KANK1: variants seen among roughly 807,000 people sequenced by gnomAD.
The protein encoded by KANK1 is KN motif and ankyrin repeat domain-containing protein 1.
Under a neutral mutation model 106.2 loss-of-function variants are expected in KANK1, and 109 were observed. The ratio of observed to expected loss-of-function variants is 1.03; its 90% CI spans 0.88 to 1.20. KANK1 has a LOEUF of 1.20. Among genes scored for constraint, KANK1 ranks in the 50% most tolerant of loss-of-function variants. KANK1 has a pLI of 0.00. For missense variants in KANK1, 2,399 were observed against 1,710.7 expected, an observed-to-expected ratio of 1.40 and a Z score of -7.10; for synonymous variants, 873 against 652.2, an observed-to-expected ratio of 1.34 and a Z score of -5.16.
rs932743550 is a variant in KANK1, at chr9:686,936, G to T, written c.37+9927G>T. ...CTTCTAGAAAGGTAAAGGGGGCTTA[G>T]GGCTGGGGGCTTTTCCTCTGGGCTC... is the stretch of plus-strand genomic sequence containing the variant. On this transcript the variant is annotated intron_variant, in intron 2 of 11. Transcript: ENST00000382297. 3 of 985,050 alleles carry T rather than the reference G, an allele frequency of 3.0e-6. No homozygotes were observed. In the African/African-American group the frequency reaches 5.3e-5, roughly 17 times the overall value. The allele number at this position is 985,050 out of a possible 1,614,324, so 61.0% of individuals were successfully genotyped here.
chr9:686,881 T>C (rs1818706542), intron 2 of KANK1: 3 of 985,220 alleles, frequency 3.0e-6, no homozygotes, highest in Non-Finnish European at 3.6e-6. Context: ...AGGACACTGA[T>C]TGTAAATGAA....
At chr9:694,002 G>A (rs868746540) in intron 2 of KANK1, among the ~76,000 whole-genome samples, 1 of 152,134 alleles carries the variant, frequency 6.6e-6, no homozygotes, top group Non-Finnish European at 1.5e-5. Context: ...GGAGTGAATG[G>A]TTGTACATAT....
Position 658,108 on chromosome 9 carries a change from G to A in KANK1, c.-83-18782G>A, listed in dbSNP as rs536534249. 2.2e-3 allele frequency among the ~76,000 whole-genome samples: 328 copies of A among 152,192 alleles called. 3 individuals are homozygous for A. The highest frequency in any genetic ancestry group is 7.6e-3 in the African/African-American group (316 of 41,504). On this transcript the variant is annotated intron_variant, in intron 1 of 11. Coordinates refer to ENST00000382297, the MANE Select transcript of KANK1 (RefSeq NM_015158.5). ...TGGAAGGGTTGGTTATATCTTCAATGTGAAATCCTCTATGTGAAATCTAAA... is the reference window on the plus strand; with the variant it reads ...TGGAAGGGTTGGTTATATCTTCAATATGAAATCCTCTATGTGAAATCTAAA...
rs75149304 is a variant in KANK1, at chr9:651,223, A to C, written c.-83-25667A>C. On this transcript the variant is annotated intron_variant, in intron 1 of 11. Transcript: ENST00000382297. Reference sequence around the variant, plus strand: ...AGGAATGGGGTTTTATTTCTGTAAGAGCACCTCCAAAACAAGTGGTGTGTT... The same window carrying C: ...AGGAATGGGGTTTTATTTCTGTAAGCGCACCTCCAAAACAAGTGGTGTGTT... Among the ~76,000 whole-genome samples the C allele has an allele frequency of 5.3e-3, 800 of 152,300 alleles. 6 individuals carry two copies. The highest frequency in any genetic ancestry group is 0.018 in the African/African-American group (754 of 41,550).
chr9:652,165 TA>T (rs1256605616), intron 1 of KANK1, among the ~76,000 whole-genome samples: 4 of 152,178 alleles, frequency 2.6e-5, no homozygotes, highest in Non-Finnish European at 5.9e-5. Flanking sequence ...TTATTGCAAA[TA>T]TGTGTTTGGA....
At chr9:638,783 A>G (rs529922320) in intron 1 of KANK1, among the ~76,000 whole-genome samples, 3 of 152,244 alleles carry the variant, frequency 2.0e-5, no homozygotes, top group African/African-American at 7.2e-5. Context: ...CCATCAGCGT[A>G]TGGAAATTTT....
intron 1 of KANK1, among the ~76,000 whole-genome samples, chr9:531,577 G>C (rs550700224): frequency 7.5e-4 from 114 of 152,344 alleles, no homozygotes; most frequent in African/African-American, 2.7e-3. Flanking sequence ...AAAGAGATTT[G>C]ATTGTGGGGA....
At chr9:565,979 A>T (rs1563778889) in intron 1 of KANK1, among the ~76,000 whole-genome samples, 1 of 152,162 alleles carries the variant, frequency 6.6e-6, no homozygotes, top group Non-Finnish European at 1.5e-5. Flanking sequence ...TAAGTTAATA[A>T]TACATAGTTA....
At chr9:707,183 G>A in intron 2 of KANK1, 1 of 985,848 alleles carries the variant, frequency 1.0e-6, no homozygotes, top group Non-Finnish European at 1.2e-6. Context: ...GGCCGGGTCC[G>A]GCTGAGCTGG....
At chr9:683,850 A>G (rs550914574) in intron 2 of KANK1, among the ~76,000 whole-genome samples, 5 of 152,334 alleles carry the variant, frequency 3.3e-5, no homozygotes, top group African/African-American at 7.2e-5. Context: ...TCAACTTTCA[A>G]TGAAACTGTA....
At chr9:736,877 C>G (rs1050446864) in intron 7 of KANK1, among the ~76,000 whole-genome samples, 1 of 152,134 alleles carries the variant, frequency 6.6e-6, no homozygotes, top group Non-Finnish European at 1.5e-5. Context: ...CCTTACAACC[C>G]CAGATTTTAT....
At chr9:588,002 G>A (rs1317992375) in intron 1 of KANK1, among the ~76,000 whole-genome samples, 1 of 151,942 alleles carries the variant, frequency 6.6e-6, no homozygotes, top group East Asian at 1.9e-4. Flanking sequence ...GGAGGCAGAG[G>A]TTGCATTGTG....
In KANK1 at chr9:745,353, T is replaced by G; in HGVS notation, c.*118T>G. On this transcript the variant is annotated 3_prime_UTR_variant, in exon 12 of 12. Transcript: ENST00000382297. ...CTGAGCTCACCAGCAAACAGAAGCA[T>G]CAAGCCCAGGGGTAAAGGCTGAAGC... 7.6e-7 allele frequency: 1 copy of G among 1,319,798 alleles called. No individual in the cohort carries two copies. Among genetic ancestry groups the G allele is most frequent in the South Asian group, 1.2e-5 (1 of 81,308 alleles). 81.8% of individuals were successfully genotyped at this position (1,319,798 alleles called of 1,614,324 possible).
chr9:496,428 T>C (rs1383399143), intron 3 of KANK1, among the ~76,000 whole-genome samples: 3 of 152,100 alleles, frequency 2.0e-5, no homozygotes, highest in Non-Finnish European at 4.4e-5. Flanking sequence ...GTGGCACATA[T>C]GCCTGTATGT....
At chr9:690,147 A>C (rs1024041643) in intron 2 of KANK1, among the ~76,000 whole-genome samples, 1 of 149,162 alleles carries the variant, frequency 6.7e-6, no homozygotes, top group African/African-American at 2.4e-5. Context: ...AAAAAAAAAA[A>C]AAAAAAAAAC....
chr9:651,163 G>C (rs1840805404), intron 1 of KANK1, among the ~76,000 whole-genome samples: 1 of 152,150 alleles, frequency 6.6e-6, no homozygotes, highest in Non-Finnish European at 1.5e-5. Flanking sequence ...AGAATTTTAT[G>C]GTCATACAAC....
chr9:628,915 C>A (rs57436984), intron 1 of KANK1, among the ~76,000 whole-genome samples: 7,866 of 149,800 alleles, frequency 0.053, 595 homozygotes, highest in East Asian at 0.22. Context: ...CCCATCTCTA[C>A]TAAAAATACA....
intron 1 of KANK1, among the ~76,000 whole-genome samples, chr9:628,044 T>C (rs973274194): frequency 1.3e-5 from 2 of 152,252 alleles, no homozygotes; most frequent in African/African-American, 4.8e-5. Context: ...ACAATGCTTT[T>C]ACAGTATATA....
intron 1 of KANK1, among the ~76,000 whole-genome samples, chr9:550,924 G>A (rs2061242545): frequency 6.6e-6 from 1 of 152,076 alleles, no homozygotes; most frequent in South Asian, 2.1e-4. Context: ...TCCAGGAAAA[G>A]GCTCCAGGAG....
Sources: allele counts gnomAD v4.1 joint callset (sites outside exome capture counted in the v4.1 genomes callset), GRCh38; gene constraint gnomAD v4.1.1; transcripts MANE v1.5; gene names NCBI Gene and HGNC (gene_info 2026-07-23, HGNC 2026-07-21).